The following NPSR1 variants were observed in gnomAD, a reference collection of about 807,000 sequenced individuals.
The protein encoded by NPSR1 is neuropeptide S receptor 1, also known as neuropeptide S receptor.
Under a neutral mutation model 46.9 loss-of-function variants are expected in NPSR1, and 48 were observed. That is an observed-to-expected ratio of 1.02 (90% CI 0.81 to 1.30). The LOEUF (loss-of-function observed/expected upper bound fraction) is 1.30, where lower values mean the gene tolerates loss of function less well. NPSR1 is among the 50% of genes most tolerant of loss of function. The pLI is 0.00. For missense variants in NPSR1, 450 were observed against 449.5 expected (o/e 1.00, Z -0.01); for synonymous variants, 176 against 168.1 (o/e 1.05, Z -0.36).
intron 8 of NPSR1, among the ~76,000 whole-genome samples, chr7:34,857,590 A>C (rs1284810133): frequency 6.6e-6 from 1 of 151,774 alleles, no homozygotes; most frequent in Admixed American, 6.6e-5. Context: ...TTATATGTCA[A>C]ATTGGTTCCA....
At chr7:34,720,784 C>T (rs1360835816) in intron 2 of NPSR1, among the ~76,000 whole-genome samples, 1 of 152,102 alleles carries the variant, frequency 6.6e-6, no homozygotes, top group African/African-American at 2.4e-5. Context: ...CTTATTTGTT[C>T]ACTGTACAAT....
At chr7:34,737,790 C>T (rs1020623921) in intron 2 of NPSR1, among the ~76,000 whole-genome samples, 3 of 152,130 alleles carry the variant, frequency 2.0e-5, no homozygotes, top group African/African-American at 7.2e-5. Context: ...CAGATCAATG[C>T]TTGGATCTTC....
chr7:34,753,692 T>A (rs1246380252), intron 2 of NPSR1: 1 of 151,800 alleles, frequency 6.6e-6, no homozygotes, highest in Non-Finnish European at 1.5e-5. Flanking sequence ...TGCACTACAA[T>A]GTGAGCAACA....
intron 2 of NPSR1, chr7:34,710,823 A>G (rs557564117): frequency 1.2e-5 from 6 of 515,562 alleles, no homozygotes; most frequent in African/African-American, 7.9e-5. Context: ...AAAGCAAAGG[A>G]ATTTCACAGA....
chr7:34,718,678 A>G (rs1038661996), intron 2 of NPSR1, among the ~76,000 whole-genome samples: 1 of 152,172 alleles, frequency 6.6e-6, no homozygotes, highest in South Asian at 2.1e-4. Context: ...CTAGCAAAGG[A>G]CAAAGCAGTT....
rs184012042 is a variant in NPSR1 at position 34,805,895 on chromosome 7, A to T, written c.385-5875A>T. Among the ~76,000 whole-genome samples the T allele has an allele frequency of 1.2e-3, 178 of 152,206 alleles. 1 individual carries two copies. Among genetic ancestry groups the T allele is most frequent in the Non-Finnish European group, 2.2e-4 (15 of 67,916 alleles). ...AAAAGATCTGAATAAACCCTTCACC[A>T]AGAAGATGGCAAGTAAACAGATAGA... is the stretch of plus-strand genomic sequence containing the variant. On this transcript the variant is annotated intron_variant, in intron 3 of 8. Transcript: ENST00000360581.
chr7:34,757,093 C>T (rs1467186863), intron 2 of NPSR1, among the ~76,000 whole-genome samples: 1 of 152,118 alleles, frequency 6.6e-6, no homozygotes, highest in Non-Finnish European at 1.5e-5. Flanking sequence ...TGAGAGCATG[C>T]CTGCTTTTTC....
intron 8 of NPSR1, among the ~76,000 whole-genome samples, chr7:34,857,155 A>C (rs141608284): frequency 6.6e-6 from 1 of 151,790 alleles, no homozygotes; most frequent in Admixed American, 6.5e-5. Context: ...GAAATATATC[A>C]TGACTATTGT....
chr7:34,823,328 G>T (rs550096431), intron 4 of NPSR1, among the ~76,000 whole-genome samples: 2 of 147,910 alleles, frequency 1.4e-5, no homozygotes, highest in African/African-American at 4.9e-5. Flanking sequence ...GGAAGCGGAG[G>T]TTGCGGTGAG....
At chr7:34,722,420 C>A (rs1271319816) in intron 2 of NPSR1, among the ~76,000 whole-genome samples, 1 of 152,130 alleles carries the variant, frequency 6.6e-6, no homozygotes, top group East Asian at 1.9e-4. Context: ...GTCTAGAAAT[C>A]TCTGCAGCTA....
chr7:34,725,692 T>C (rs1784109789), intron 2 of NPSR1, among the ~76,000 whole-genome samples: 1 of 152,216 alleles, frequency 6.6e-6, no homozygotes, highest in South Asian at 2.1e-4. Context: ...AGAAAGTGGA[T>C]CAAGAGAATG....
chr7:34,835,916 G>C (rs1315054711), intron 6 of NPSR1, among the ~76,000 whole-genome samples: 1 of 152,162 alleles, frequency 6.6e-6, no homozygotes, highest in African/African-American at 2.4e-5. Context: ...ATCTGGAGTG[G>C]GGCATGGATT....
At chr7:34,684,301 C>A (rs1211326380) in intron 1 of NPSR1, among the ~76,000 whole-genome samples, 1 of 152,182 alleles carries the variant, frequency 6.6e-6, no homozygotes, top group Admixed American at 6.5e-5. Flanking sequence ...CATAGTGTTA[C>A]AATTACCTGA....
At chr7:34,689,037 G>A (rs562761052) in intron 2 of NPSR1, among the ~76,000 whole-genome samples, 1 of 152,268 alleles carries the variant, frequency 6.6e-6, no homozygotes, top group African/African-American at 2.4e-5. Context: ...CTTGGCAGCT[G>A]CCCACCAGAC....
intron 8 of NPSR1, among the ~76,000 whole-genome samples, chr7:34,870,702 G>C (rs1195640975): frequency 6.6e-6 from 1 of 151,806 alleles, no homozygotes; most frequent in Non-Finnish European, 1.5e-5. Flanking sequence ...AAGGAAGCTG[G>C]AGCCAGAAGT....
intron 2 of NPSR1, among the ~76,000 whole-genome samples, chr7:34,700,009 G>A (rs1793738219): frequency 6.6e-6 from 1 of 152,110 alleles, no homozygotes; most frequent in African/African-American, 2.4e-5. Flanking sequence ...AGCCACCCAA[G>A]GTGTATGAAA....
intron 3 of NPSR1, among the ~76,000 whole-genome samples, chr7:34,791,204 AT>A (rs1787853657): frequency 2.0e-5 from 2 of 101,614 alleles, no homozygotes; most frequent in South Asian, 6.0e-4. Context: ...GTTATATATT[AT>A]ATTATATATG....
chr7:34,808,125 G>T (rs1041368681), intron 3 of NPSR1, among the ~76,000 whole-genome samples: 3 of 152,134 alleles, frequency 2.0e-5, no homozygotes, highest in African/African-American at 4.8e-5. Context: ...ATGGTCACAC[G>T]CCAAGGACTG....
intron 5 of NPSR1, among the ~76,000 whole-genome samples, chr7:34,832,369 T>C (rs1790160821): frequency 6.6e-6 from 1 of 151,982 alleles, no homozygotes; most frequent in Non-Finnish European, 1.5e-5. Context: ...CCTGTCTCTA[T>C]AAAATATACA....
Sources: gnomAD v4.1 joint callset for allele counts (sites outside exome capture counted in the v4.1 genomes callset) on GRCh38, gnomAD v4.1.1 for gene constraint, MANE v1.5 for transcripts, NCBI Gene and HGNC (gene_info 2026-07-23, HGNC 2026-07-21) for gene names.